Variants in TMEM117 observed in about 807,000 individuals in gnomAD.
TMEM117 encodes the protein transmembrane protein 117.
TMEM117 carries 27 observed loss-of-function variants against 52.4 expected under a neutral mutation model. That is an observed-to-expected ratio of 0.51 (90% CI 0.38 to 0.71). The LOEUF (loss-of-function observed/expected upper bound fraction) is 0.71. TMEM117 is among the 30% of genes least tolerant of loss of function. The pLI, the probability that TMEM117 is intolerant of heterozygous loss-of-function variation, is 0.00. For synonymous variants in TMEM117, 215 were observed against 206.3 expected (o/e 1.04, Z -0.36); for missense variants, 556 against 630.5 (o/e 0.88, Z 1.26).
intron 3 of TMEM117, among the ~76,000 whole-genome samples, chr12:44,142,829 T>C (rs1395154308): frequency 6.6e-6 from 1 of 152,116 alleles, no homozygotes; most frequent in African/African-American, 2.4e-5. Flanking sequence ...AGAAAAATAA[T>C]AATTAGTGTT....
intron 3 of TMEM117, among the ~76,000 whole-genome samples, chr12:43,999,617 A>C (rs1174614864): frequency 6.6e-6 from 1 of 152,092 alleles, no homozygotes; most frequent in African/African-American, 2.4e-5. Context: ...AGGTGGGACT[A>C]CAGGCACACG....
intron 3 of TMEM117, among the ~76,000 whole-genome samples, chr12:44,027,662 G>C (rs863579): frequency 0.01 from 1,597 of 152,298 alleles, 26 homozygotes; most frequent in African/African-American, 0.037. Context: ...CATGATGTCA[G>C]ATGGTCACGT....
At chr12:44,125,694 C>A (rs1948313109) in intron 3 of TMEM117, among the ~76,000 whole-genome samples, 1 of 151,782 alleles carries the variant, frequency 6.6e-6, no homozygotes, top group Non-Finnish European at 1.5e-5. Context: ...TTTTGAAGTT[C>A]TTTTTCTGTC....
At chr12:44,061,575 C>T (rs1187251171) in intron 3 of TMEM117, among the ~76,000 whole-genome samples, 1 of 152,130 alleles carries the variant, frequency 6.6e-6, no homozygotes, top group Non-Finnish European at 1.5e-5. Context: ...TGGTACGTGA[C>T]ACCTCCTGTT....
At chr12:44,199,834 G>A (rs1949469798) in intron 4 of TMEM117, among the ~76,000 whole-genome samples, 1 of 152,046 alleles carries the variant, frequency 6.6e-6, no homozygotes, top group Non-Finnish European at 1.5e-5. Context: ...AGAATACTTA[G>A]CAGCCGGGCT....
At chr12:44,167,691 A>G (rs1948987833) in intron 4 of TMEM117, among the ~76,000 whole-genome samples, 1 of 152,118 alleles carries the variant, frequency 6.6e-6, no homozygotes, top group African/African-American at 2.4e-5. Flanking sequence ...TAAGCTGTAG[A>G]ATCAGAGGGG....
intron 5 of TMEM117, among the ~76,000 whole-genome samples, chr12:44,263,107 G>T (rs866747645): frequency 5.3e-5 from 8 of 152,090 alleles, no homozygotes; most frequent in Middle Eastern, 3.2e-3. Context: ...CTTTAAATAG[G>T]CTGGTGTTTG....
At chr12:44,257,553 G>A (rs1950273817) in intron 5 of TMEM117, among the ~76,000 whole-genome samples, 1 of 152,082 alleles carries the variant, frequency 6.6e-6, no homozygotes, top group Admixed American at 6.6e-5. Flanking sequence ...CTGATTTCGA[G>A]TTTCTCCTCT....
chr12:44,042,782 A>ACACACC (rs1946821160), intron 3 of TMEM117, among the ~76,000 whole-genome samples: 1 of 150,906 alleles, frequency 6.6e-6, no homozygotes, highest in African/African-American at 2.5e-5. Flanking sequence ...ACACACACAC[A>ACACACC]CACACACACA....
chr12:44,012,240 C>G (rs1202881540), intron 3 of TMEM117, among the ~76,000 whole-genome samples: 1 of 151,492 alleles, frequency 6.6e-6, no homozygotes, highest in African/African-American at 2.4e-5. Context: ...CTTTGATTTT[C>G]TGCAGTTTGA....
rs114486226 is a variant in TMEM117, at chr12:44,080,104, A to T, written c.411-63421A>T. 9.9e-3 allele frequency among the ~76,000 whole-genome samples: 1,511 copies of T among 152,104 alleles called. 10 individuals are homozygous for T. The highest frequency in any genetic ancestry group is 0.016 in the African/African-American group (666 of 41,482). ...AGTTCTGTCCAGAGTACCATTGTAG[A>T]ACCTTTAAAACCATATGAGAAACAC... On this transcript the variant is annotated intron_variant, in intron 3 of 7. Coordinates refer to ENST00000266534, the MANE Select transcript of TMEM117 (RefSeq NM_032256.3).
chr12:43,912,365 C>T (rs1326462279), intron 2 of TMEM117, among the ~76,000 whole-genome samples: 6 of 151,088 alleles, frequency 4.0e-5, no homozygotes, highest in African/African-American at 1.2e-4. Context: ...GGGAAGGGGA[C>T]AGGGATAGCA....
chr12:43,951,099 A>G (rs998141762), intron 3 of TMEM117, among the ~76,000 whole-genome samples: 20 of 151,964 alleles, frequency 1.3e-4, no homozygotes, highest in African/African-American at 4.8e-4. Context: ...GTGGCGGGGG[A>G]CTGTGCTACC....
chr12:43,797,342 C>T, the TMEM117 span: 23 of 1,603,844 alleles, frequency 1.4e-5, 1 homozygote, highest in South Asian at 2.5e-4. Context: ...AATGTTTATA[C>T]AGAAAGAAAT....
At chr12:44,332,801 C>G (rs978891389) in intron 6 of TMEM117, among the ~76,000 whole-genome samples, 9 of 150,802 alleles carry the variant, frequency 6.0e-5, no homozygotes, top group African/African-American at 2.2e-4. Context: ...ATAAACTGTC[C>G]TAAATTGAAT....
intron 3 of TMEM117, among the ~76,000 whole-genome samples, chr12:44,133,841 A>G (rs1481686307): frequency 1.3e-5 from 2 of 152,046 alleles, no homozygotes; most frequent in African/African-American, 4.8e-5. Context: ...GGCAAACTCA[A>G]TTCCAGGGCC....
At chr12:44,052,869 T>C (rs1565808791) in intron 3 of TMEM117, among the ~76,000 whole-genome samples, 3 of 152,154 alleles carry the variant, frequency 2.0e-5, no homozygotes, top group Non-Finnish European at 4.4e-5. Context: ...GGGACACATA[T>C]GAGTCTCTCT....
rs545068301 is a variant in TMEM117, at chr12:44,043,619, G to A, written c.410+99277G>A. Reference sequence around the variant, plus strand: ...GAGACAACAGTGATGGCCTCCCTGAGCCTGTTTCCAGGCAAAATAATGTTG... The same window carrying A: ...GAGACAACAGTGATGGCCTCCCTGAACCTGTTTCCAGGCAAAATAATGTTG... On this transcript the variant is annotated intron_variant, in intron 3 of 7. Transcript: ENST00000266534. 5.4e-4 allele frequency among the ~76,000 whole-genome samples: 82 copies of A among 152,222 alleles called. 4 individuals carry two copies. In the South Asian group the frequency reaches 0.017, roughly 31 times the overall value.
At chr12:43,850,876 T>C (rs1943296266) in intron 2 of TMEM117, among the ~76,000 whole-genome samples, 1 of 141,212 alleles carries the variant, frequency 7.1e-6, no homozygotes, top group South Asian at 2.3e-4. Context: ...ATGATGGTGA[T>C]GATGATGATG....
Sources: gnomAD v4.1 joint callset for allele counts (sites outside exome capture counted in the v4.1 genomes callset) on GRCh38, gnomAD v4.1.1 for gene constraint, MANE v1.5 for transcripts, NCBI Gene and HGNC (gene_info 2026-07-23, HGNC 2026-07-21) for gene names.